Variants in GART observed in about 807,000 individuals in gnomAD.
GART encodes trifunctional purine biosynthetic protein adenosine-3.
Under a neutral mutation model 107.2 loss-of-function variants are expected in GART, and 43 were observed. That is an observed-to-expected ratio of 0.40 (90% CI 0.31 to 0.52). GART has a LOEUF of 0.52. GART is among the 20% of genes least tolerant of loss of function. The pLI is 0.52. For missense variants in GART, 1,107 were observed against 1,206.5 expected (o/e 0.92, Z 1.22); for synonymous variants, 434 against 427.0 (o/e 1.02, Z -0.20).
intron 16 of GART, among the ~76,000 whole-genome samples, chr21:33,513,470 T>C (rs1302853467): frequency 6.6e-6 from 1 of 152,106 alleles, no homozygotes; most frequent in Non-Finnish European, 1.5e-5. Flanking sequence ...CTCGGGAGGC[T>C]GAGGCAGGAG....
At chr21:33,521,603 G>A (rs548104279) in intron 12 of GART, among the ~76,000 whole-genome samples, 1 of 143,430 alleles carries the variant, frequency 7.0e-6, no homozygotes, top group East Asian at 2.1e-4. Context: ...CTGCACTCCA[G>A]CCTGGGCGAC....
At chr21:33,530,400 C>A (rs549267816) in intron 7 of GART, among the ~76,000 whole-genome samples, 3 of 151,778 alleles carry the variant, frequency 2.0e-5, no homozygotes, top group Non-Finnish European at 4.4e-5. Context: ...ATTCATATCA[C>A]ACACACACAC....
In GART at chr21:33,535,247, T is replaced by C; in HGVS notation, c.219A>G (p.Gly73=). 6.5e-7 allele frequency: 1 copy of C among 1,537,984 alleles called. No individual in the cohort carries two copies. The highest frequency in any genetic ancestry group is 1.9e-5 in the Admixed American group (1 of 53,414). The change falls in exon 3 of 22, where the codon GGA becomes GGG. Residue 73 remains glycine, a synonymous_variant. Transcript: ENST00000381815. The stretch of plus-strand genomic sequence containing the variant: ...TACCAGCAGCCAGAGGTGCTTCTGG[T>C]CCAACAACTACAAATTCAATTTTCT... ...KEKKIEFVVV[G]PEAPLAAGIV... is the part of the protein sequence containing the mutation.
At chr21:33,532,726 G>C (rs774948812) in intron 4 of GART, among the ~76,000 whole-genome samples, 2 of 152,102 alleles carry the variant, frequency 1.3e-5, no homozygotes, top group Non-Finnish European at 2.9e-5. Flanking sequence ...AGAATAAGTA[G>C]ATGTATAGAG....
At chr21:33,523,460 T>A (rs2085009381) in intron 11 of GART, among the ~76,000 whole-genome samples, 1 of 152,166 alleles carries the variant, frequency 6.6e-6, no homozygotes, top group Admixed American at 6.6e-5. Flanking sequence ...AAATAGGTCA[T>A]TTCAATGGAA....
At chr21:33,525,767 G>A (rs2085061902) in intron 10 of GART, among the ~76,000 whole-genome samples, 1 of 151,514 alleles carries the variant, frequency 6.6e-6, no homozygotes, top group African/African-American at 2.4e-5. Flanking sequence ...AAATTCTTGT[G>A]TTATCGTAAA....
chr21:33,509,754 T>C, intron 18 of GART, 29 bp downstream of exon 18: 2 of 1,610,822 alleles, frequency 1.2e-6, no homozygotes, highest in East Asian at 2.2e-5. Flanking sequence ...AGTCAACAGC[T>C]CTACAGTGAA....
chr21:33,521,013 A>T lies in GART; in HGVS notation c.1396T>A (p.Cys466Ser), dbSNP rs1480127116. 1 of 1,608,582 alleles carries T rather than the reference A, an allele frequency of 6.2e-7. No individual in the cohort carries two copies. Among genetic ancestry groups the T allele is most frequent in the East Asian group, 2.2e-5 (1 of 44,836 alleles). The change falls in exon 13 of 22, where the codon TGT becomes AGT. Residue 466 changes from cysteine to serine, a missense_variant and splice_region_variant. By Grantham distance (112) the Cys-to-Ser change is moderately radical. Coordinates refer to ENST00000381815, the MANE Select transcript of GART (RefSeq NM_000819.5). Reference protein sequence around the residue: ...PLAKATSRSGCKVDLGGFAGL... With the variant: ...PLAKATSRSGSKVDLGGFAGL... Reference sequence around the variant, plus strand: ...GCAAAACCTCCAAGATCAACTTTACAGCCTGTTGGAGAGGAAATTAATTAC... The same window carrying T: ...GCAAAACCTCCAAGATCAACTTTACTGCCTGTTGGAGAGGAAATTAATTAC...
chr21:33,527,555 G>A (rs763633655), intron 10 of GART, among the ~76,000 whole-genome samples: 4 of 152,014 alleles, frequency 2.6e-5, no homozygotes, highest in South Asian at 2.1e-4. Context: ...ACTGGAGCAC[G>A]GAGAGTGGCC....
upstream of GART, chr21:33,542,866 G>C (rs2085480934): frequency 3.4e-6 from 2 of 587,582 alleles, no homozygotes; most frequent in Non-Finnish European, 6.1e-6. Context: ...GGACATAGTC[G>C]TGCGCGGCGC....
At chr21:33,525,087 T>C in intron 10 of GART, 87 bp from the exon 11 acceptor site, 1 of 1,285,048 alleles carries the variant, frequency 7.8e-7, no homozygotes, top group Non-Finnish European at 1.0e-6. Context: ...CAAGTTTCTT[T>C]TTTTTTTTTT....
In GART at chr21:33,532,219, A is replaced by G; in HGVS notation, c.528+126T>C. The G allele has an allele frequency of 1.0e-5, 7 of 688,846 alleles. 1 individual carries two copies. In the South Asian group the frequency reaches 1.2e-4, roughly 12 times the overall value. 42.7% of individuals were successfully genotyped at this position (688,846 alleles called of 1,614,324 possible). A position where few individuals can be genotyped will look rare whatever the true frequency, so the allele number is the denominator to read the frequency against. ...GATGGATTATAATACATGGGATTAT[A>G]AAAAATAACTTACCCATATGTTTGC... On this transcript the variant is annotated intron_variant, in intron 5 of 21. Transcript: ENST00000381815.
intron 2 of GART, among the ~76,000 whole-genome samples, chr21:33,538,673 C>T (rs2085349475): frequency 1.3e-5 from 2 of 152,170 alleles, no homozygotes; most frequent in Admixed American, 6.5e-5. Flanking sequence ...TAAGGAAATG[C>T]CATATTCTGA....
chr21:33,530,843 G>A lies in GART; in HGVS notation c.639C>T (p.Pro213=). Residue 213 remains proline, a synonymous_variant, in exon 7 of 22, where the codon CCC becomes CCT. Coordinates refer to ENST00000381815, the MANE Select transcript of GART (RefSeq NM_000819.5). ...FTDGKTVAPM[P]PAQDHKRLLE... ...GTAATCGCTTATGGTCCTGTGCTGGGGGCATGGGGGCCACAGTCTTGCCAT... is the reference window on the plus strand; with the variant it reads ...GTAATCGCTTATGGTCCTGTGCTGGAGGCATGGGGGCCACAGTCTTGCCAT... 1 of 1,533,124 alleles carries A rather than the reference G, an allele frequency of 6.5e-7. No homozygotes were observed. Among genetic ancestry groups the A allele is most frequent in the Non-Finnish European group, 8.7e-7 (1 of 1,150,840 alleles). 95.0% of individuals were successfully genotyped at this position (1,533,124 alleles called of 1,614,324 possible). A position where few individuals can be genotyped will look rare whatever the true frequency, so the allele number is the denominator to read the frequency against.
rs557302256 is a variant in GART, at chr21:33,534,462, C to T, written c.416+117G>A. 8.2e-5 allele frequency: 85 copies of T among 1,032,166 alleles called. 1 individual carries two copies. The South Asian group carries it at 1.2e-3, about 15-fold the overall frequency. The allele number at this position is 1,032,166 out of a possible 1,614,324, so 63.9% of individuals were successfully genotyped here. A position where few individuals can be genotyped will look rare whatever the true frequency, so the allele number is the denominator to read the frequency against. ...TAACTCCTGAGCTCAAGTGATTCAC[C>T]TGCCTTGGCCTCCCAAAGTGCTGGG... is the stretch of plus-strand genomic sequence containing the variant. On this transcript the variant is annotated intron_variant, in intron 4 of 21. Transcript: ENST00000381815.
intron 10 of GART, 22 bp from the exon 11 acceptor site, chr21:33,525,022 A>G: frequency 6.2e-7 from 1 of 1,600,664 alleles, no homozygotes; most frequent in South Asian, 1.1e-5. Context: ...CATATTTGAC[A>G]TATGATTTCA....
intron 7 of GART, chr21:33,529,499 C>A (rs1170843798): frequency 7.1e-6 from 1 of 140,678 alleles, no homozygotes; most frequent in Non-Finnish European, 1.5e-5. Flanking sequence ...GTTGTCCAGG[C>A]TGGAGTGCAA....
chr21:33,515,662 A>AC (rs1473763956), intron 16 of GART, among the ~76,000 whole-genome samples: 13 of 148,376 alleles, frequency 8.8e-5, no homozygotes, highest in African/African-American at 3.2e-4. Context: ...CAAAAAAAAA[A>AC]AAAAAAAAAA....
At chr21:33,539,690 C>CAA (rs879552242) in intron 1 of GART, among the ~76,000 whole-genome samples, 7 of 133,172 alleles carry the variant, frequency 5.3e-5, no homozygotes, top group African/African-American at 1.9e-4. Context: ...AAGACCATCT[C>CAA]AAAAAAAAAA....
Sources: allele counts gnomAD v4.1 joint callset (sites outside exome capture counted in the v4.1 genomes callset), GRCh38; gene constraint gnomAD v4.1.1; transcripts MANE v1.5; gene names NCBI Gene and HGNC (gene_info 2026-07-23, HGNC 2026-07-21).